Variants in FER observed in about 807,000 individuals in gnomAD.
The protein encoded by FER is FER tyrosine kinase.
A neutral mutation model predicts 111.0 loss-of-function variants in FER; 63 were observed. That is an observed-to-expected ratio of 0.57 (90% CI 0.46 to 0.70). The LOEUF (loss-of-function observed/expected upper bound fraction) is 0.70, where lower values mean the gene tolerates loss of function less well. Ranked by LOEUF, FER falls within the 30% of genes least tolerant of loss-of-function variation. The pLI, the probability that FER is intolerant of heterozygous loss-of-function variation, is 0.00. For missense variants in FER, 914 were observed against 954.0 expected (o/e 0.96, Z 0.55); for synonymous variants, 327 against 313.9 (o/e 1.04, Z -0.44).
intron 13 of FER, among the ~76,000 whole-genome samples, chr5:108,963,209 G>T (rs1759358094): frequency 6.6e-6 from 1 of 152,160 alleles, no homozygotes; most frequent in South Asian, 2.1e-4. Flanking sequence ...TTCATATTTA[G>T]ATGTTTTTAA....
At chr5:108,993,634 T>C (rs116570605) in intron 13 of FER, among the ~76,000 whole-genome samples, 9,351 of 104,892 alleles carry the variant, frequency 0.089, 426 homozygotes, top group South Asian at 0.15. Flanking sequence ...AGGGCGAGGG[T>C]GAGGGCGAGG....
At chr5:109,022,777 C>A (rs114813499) in intron 13 of FER, among the ~76,000 whole-genome samples, 1 of 152,046 alleles carries the variant, frequency 6.6e-6, no homozygotes, top group Non-Finnish European at 1.5e-5. Context: ...GTAACTATGT[C>A]ATACAAATGT....
At chr5:108,941,468 T>C (rs1756257253) in intron 10 of FER, among the ~76,000 whole-genome samples, 1 of 152,172 alleles carries the variant, frequency 6.6e-6, no homozygotes, top group African/African-American at 2.4e-5. Context: ...TATTCGTTAA[T>C]ATAGCCGTTA....
At chr5:109,125,362 T>A (rs1751576343) in intron 17 of FER, among the ~76,000 whole-genome samples, 1 of 152,156 alleles carries the variant, frequency 6.6e-6, no homozygotes. Context: ...TAATTGTGAT[T>A]TAAATATTTT....
At chr5:109,060,416 A>C (rs2149962211) in intron 16 of FER, among the ~76,000 whole-genome samples, 1 of 152,216 alleles carries the variant, frequency 6.6e-6, no homozygotes, top group Non-Finnish European at 1.5e-5. Context: ...TCTGTGCCTT[A>C]GTTTCCTTAT....
At chr5:108,991,985 A>C (rs991848187) in intron 13 of FER, among the ~76,000 whole-genome samples, 2 of 152,094 alleles carry the variant, frequency 1.3e-5, no homozygotes, top group Admixed American at 1.3e-4. Flanking sequence ...AAACAAGTGA[A>C]CAAAGGTCTC....
At chr5:109,168,576 G>C (rs1756786287) in intron 17 of FER, among the ~76,000 whole-genome samples, 2 of 152,104 alleles carry the variant, frequency 1.3e-5, no homozygotes, top group African/African-American at 4.8e-5. Flanking sequence ...CACCCAGAGA[G>C]GGCATGGAAT....
In FER at chr5:108,954,874, A is replaced by G. The variant is rs1300497077; in HGVS notation, c.1475A>G (p.Tyr492Cys). 2 of 1,611,624 alleles carry G rather than the reference A, an allele frequency of 1.2e-6. No homozygotes were observed. The highest frequency in any genetic ancestry group is 1.7e-5 in the Admixed American group (1 of 59,926). ...GAGAGTCATGGGAAACCTGGTGAAT[A>G]TGTCCTTTCTGTATATTCTGATGGA... is the stretch of plus-strand genomic sequence containing the variant. ...VRESHGKPGE[Y>C]VLSVYSDGQR... Residue 492 changes from tyrosine (Y) to cysteine (C), a missense_variant, in exon 12 of 20, where the codon TAT becomes TGT. Around this residue, in one of 3 missense-constraint regions of FER, gnomAD observed 774 missense variants for 782.6 expected, o/e 0.99. Transcript: ENST00000281092.
intron 3 of FER, chr5:108,820,653 G>A (rs76880673): frequency 4.9e-4 from 229 of 464,492 alleles, no homozygotes; most frequent in African/African-American, 4.3e-3. Flanking sequence ...GACCGTAACT[G>A]AGCTAATGCA....
At chr5:109,146,716 AT>A (rs1754259806) in intron 17 of FER, among the ~76,000 whole-genome samples, 1 of 152,114 alleles carries the variant, frequency 6.6e-6, no homozygotes, top group South Asian at 2.1e-4. Context: ...GATTTGAATG[AT>A]TTAAATATCC....
At chr5:108,953,822 A>G in intron 11 of FER, among the ~76,000 whole-genome samples, 1 of 152,074 alleles carries the variant, frequency 6.6e-6, no homozygotes, top group East Asian at 1.9e-4. Flanking sequence ...AAGTTAGTTC[A>G]GATTACTGTA....
chr5:109,159,446 C>T (rs892849763), intron 17 of FER, among the ~76,000 whole-genome samples: 3 of 124,766 alleles, frequency 2.4e-5, no homozygotes, highest in African/African-American at 9.0e-5. Context: ...ACAGGGATCA[C>T]TCTGTTGAAT....
At chr5:108,961,325 G>C (rs576999376) in intron 13 of FER, among the ~76,000 whole-genome samples, 145 of 152,202 alleles carry the variant, frequency 9.5e-4, no homozygotes, top group Non-Finnish European at 1.9e-3. Context: ...ATAAAAGAAA[G>C]AAATAACAAC....
chr5:109,038,075 C>G (rs1770647181), intron 14 of FER, among the ~76,000 whole-genome samples: 1 of 151,764 alleles, frequency 6.6e-6, no homozygotes, highest in South Asian at 2.1e-4. Context: ...TTGGAAGTTT[C>G]TTTGAACTCA....
Position 108,749,683 on chromosome 5 carries a change from A to G in FER, c.-206+1683A>G, listed in dbSNP as rs182915146. ...AGAGGTGTCCTCCAAGAGTCTAATC[A>G]AGAGATAGATCTTAAGTGTGAAGCT... On this transcript the variant is annotated intron_variant, in intron 1 of 19. Transcript: ENST00000281092. 2.4e-3 allele frequency among the ~76,000 whole-genome samples: 367 copies of G among 152,212 alleles called. 5 individuals carry two copies. The highest frequency in any genetic ancestry group is 8.1e-3 in the African/African-American group (336 of 41,538).
At chr5:108,883,130 T>C (rs750470120) in intron 8 of FER, among the ~76,000 whole-genome samples, 1 of 152,026 alleles carries the variant, frequency 6.6e-6, no homozygotes, top group African/African-American at 2.4e-5. Flanking sequence ...AATAAGACTC[T>C]AGACCAGTAT....
intron 5 of FER, among the ~76,000 whole-genome samples, chr5:108,857,635 T>G (rs899898368): frequency 2.0e-5 from 3 of 152,200 alleles, no homozygotes; most frequent in Admixed American, 6.5e-5. Flanking sequence ...TTATGGCAAT[T>G]GTGAAATGGT....
intron 9 of FER, among the ~76,000 whole-genome samples, chr5:108,891,000 C>A (rs887954651): frequency 6.6e-6 from 1 of 151,990 alleles, no homozygotes; most frequent in East Asian, 1.9e-4. Flanking sequence ...TGTGAGTGAT[C>A]CAGTTTTTTC....
At chr5:109,173,390 T>G (rs1243889874) in intron 17 of FER, among the ~76,000 whole-genome samples, 1 of 152,252 alleles carries the variant, frequency 6.6e-6, no homozygotes, top group Non-Finnish European at 1.5e-5. Context: ...GTAAATGGAC[T>G]CAATGGTTGA....
Sources: gnomAD v4.1 joint callset for allele counts (sites outside exome capture counted in the v4.1 genomes callset) on GRCh38, gnomAD v4.1.1 for gene constraint, gnomAD v4.1.1 regional missense constraint, MANE v1.5 for transcripts, NCBI Gene and HGNC (gene_info 2026-07-23, HGNC 2026-07-21) for gene names.